Variants in ZNF18 observed in about 807,000 individuals in gnomAD.
The protein encoded by ZNF18 is zinc finger protein 18.
ZNF18 carries 42 observed loss-of-function variants against 58.1 expected under a neutral mutation model. The observed-to-expected ratio is 0.72, with a 90% CI of 0.56 to 0.93. The LOEUF (loss-of-function observed/expected upper bound fraction) is 0.93, where lower values mean the gene tolerates loss of function less well. Among genes scored for constraint, ZNF18 ranks in the 40% least tolerant of loss-of-function variants. The pLI is 0.00. For synonymous variants in ZNF18, 231 were observed against 239.8 expected, an observed-to-expected ratio of 0.96 and a Z score of 0.34; for missense variants, 540 against 644.2, an observed-to-expected ratio of 0.84 and a Z score of 1.75.
At chr17:11,985,744 C>A (rs1346603262) in intron 4 of ZNF18, among the ~76,000 whole-genome samples, 1 of 152,134 alleles carries the variant, frequency 6.6e-6, no homozygotes, top group African/African-American at 2.4e-5. Flanking sequence ...TGAAATAAAG[C>A]CCTTAGCAAA....
At chr17:12,006,373 T>A in the ZNF18 span, among the ~76,000 whole-genome samples, 2 of 152,174 alleles carry the variant, frequency 1.3e-5, no homozygotes, top group Non-Finnish European at 2.9e-5. Context: ...TCTTTATGCA[T>A]CTCAATTCTC....
chr17:11,997,996 C>T (rs907973258), upstream of ZNF18, among the ~76,000 whole-genome samples: 1 of 152,162 alleles, frequency 6.6e-6, no homozygotes, highest in Non-Finnish European at 1.5e-5. Flanking sequence ...CACTTCTCCC[C>T]ATTCCGTTGG....
chr17:12,011,963 T>C, the ZNF18 span, among the ~76,000 whole-genome samples: 1 of 152,176 alleles, frequency 6.6e-6, no homozygotes, highest in African/African-American at 2.4e-5. Flanking sequence ...CCTCCCAAAG[T>C]GCTGGGATTA....
the ZNF18 span, among the ~76,000 whole-genome samples, chr17:12,012,346 A>G: frequency 6.6e-6 from 1 of 152,206 alleles, no homozygotes; most frequent in Non-Finnish European, 1.5e-5. Context: ...TATTCGCTCC[A>G]TGTTTATTCA....
At chr17:11,999,605 C>T (rs1271313959), upstream of ZNF18, among the ~76,000 whole-genome samples, 2 of 152,102 alleles carry the variant, frequency 1.3e-5, no homozygotes, top group African/African-American at 4.8e-5. Context: ...AAATATTTAC[C>T]AGATGATGTG....
the ZNF18 span, among the ~76,000 whole-genome samples, chr17:12,017,175 C>A: frequency 6.6e-6 from 1 of 151,500 alleles, no homozygotes; most frequent in Non-Finnish European, 1.5e-5. Flanking sequence ...CCAGCCTGGG[C>A]AACAGAGCAA....
intron 4 of ZNF18, among the ~76,000 whole-genome samples, chr17:11,986,738 T>C (rs1238543852): frequency 2.6e-5 from 4 of 152,186 alleles, no homozygotes; most frequent in African/African-American, 7.2e-5. Context: ...GCTTCAGTGC[T>C]AGCAGAGAAA....
chr17:11,990,516 T>C lies in ZNF18; in HGVS notation c.612A>G (p.Glu204=). The change falls in exon 4 of 7, where the codon GAA becomes GAG. Residue 204 remains glutamate (E), a synonymous_variant. Transcript: ENST00000580306. ...LAASQPARLE[E]RLIRDQDLGA... ...CGAGGTCCTGGTCTCTGATCAGCCT[T>C]TCCTCCAGTCGGGCAGGCTGGGAGG... The C allele has an allele frequency of 6.2e-7, 1 of 1,612,394 alleles. No homozygotes were observed. Among genetic ancestry groups the C allele is most frequent in the Admixed American group, 1.7e-5 (1 of 59,878 alleles).
the ZNF18 span, among the ~76,000 whole-genome samples, chr17:12,015,477 G>A: frequency 6.6e-6 from 1 of 152,126 alleles, no homozygotes; most frequent in African/African-American, 2.4e-5. Flanking sequence ...TTGTTCTAGC[G>A]AGTAATACAA....
chr17:11,989,193 CA>C (rs1967944678), intron 4 of ZNF18, among the ~76,000 whole-genome samples: 1 of 151,674 alleles, frequency 6.6e-6, no homozygotes, highest in South Asian at 2.1e-4. Context: ...AGCATTGTGG[CA>C]CATGCCTGTA....
the ZNF18 span, among the ~76,000 whole-genome samples, chr17:12,008,021 T>G: frequency 6.6e-6 from 1 of 152,170 alleles, no homozygotes; most frequent in African/African-American, 2.4e-5. Context: ...AGTGGTCTGC[T>G]GTAGAGTCTT....
At chr17:11,994,701 C>T (rs918303057) in intron 1 of ZNF18, among the ~76,000 whole-genome samples, 11 of 152,096 alleles carry the variant, frequency 7.2e-5, no homozygotes, top group African/African-American at 2.4e-4. Flanking sequence ...ATTAGCCAGG[C>T]GTGGTGGCGG....
chr17:11,992,698 GA>G lies in ZNF18; in HGVS notation c.131del (p.Phe44SerfsTer8). The part of the protein sequence containing the change: ...LSSPETARQL[F>X]RQFRYQVMSG... ...ACATCACCTGGTAACGGAACTGCCT[GA>G]AAAGCTGGCGTGCGGTCTCAGGGCT... On this transcript the variant is annotated frameshift_variant, in exon 2 of 7. Transcript: ENST00000580306. LOFTEE classifies it high-confidence loss of function. The G allele has an allele frequency of 6.2e-7, 1 of 1,614,266 alleles. No homozygotes were observed. Among genetic ancestry groups the G allele is most frequent in the Non-Finnish European group, 8.5e-7 (1 of 1,180,052 alleles).
chr17:12,006,248 A>T, the ZNF18 span, among the ~76,000 whole-genome samples: 3 of 152,218 alleles, frequency 2.0e-5, no homozygotes, highest in East Asian at 5.8e-4. Context: ...TAATACAATT[A>T]ACTGGCAATC....
the ZNF18 span, chr17:12,010,790 T>C: frequency 0.98 from 366,617 of 374,946 alleles, 179,759 homozygotes; most frequent in East Asian, 1. Flanking sequence ...GGCTTCTTCC[T>C]ACTGGTTCTC....
chr17:11,988,024 C>T lies in ZNF18; in HGVS notation c.666+2438G>A, dbSNP rs557532512. 2.0e-4 allele frequency among the ~76,000 whole-genome samples: 30 copies of T among 152,070 alleles called. No individual in the cohort carries two copies. In the South Asian group the frequency reaches 6.0e-3, roughly 30 times the overall value. Reference sequence around the variant, plus strand: ...CAAGTCCCAAGAGGAGTTCCTTCAACGTTTTAAATGATGTTTTAATTAAGA... The same window carrying T: ...CAAGTCCCAAGAGGAGTTCCTTCAATGTTTTAAATGATGTTTTAATTAAGA... On this transcript the variant is annotated intron_variant, in intron 4 of 6. Coordinates refer to ENST00000580306, the MANE Select transcript of ZNF18 (RefSeq NM_001303281.2).
chr17:12,006,516 C>T, the ZNF18 span, among the ~76,000 whole-genome samples: 1 of 152,094 alleles, frequency 6.6e-6, no homozygotes, highest in African/African-American at 2.4e-5. Context: ...ATTGAGATAT[C>T]GTAATTTGTA....
chr17:12,019,713 G>T, the ZNF18 span, among the ~76,000 whole-genome samples: 2 of 152,188 alleles, frequency 1.3e-5, no homozygotes. Context: ...GAACAAGAAG[G>T]CAGGGCTATT....
upstream of ZNF18, chr17:12,002,131 T>A (rs923815720): frequency 1.3e-5 from 2 of 152,148 alleles, no homozygotes; most frequent in African/African-American, 2.4e-5. Flanking sequence ...CTGGGCCCAG[T>A]GGTTCACGCC....
Sources: gnomAD v4.1 joint callset for allele counts (sites outside exome capture counted in the v4.1 genomes callset) on GRCh38, gnomAD v4.1.1 for gene constraint, MANE v1.5 for transcripts, NCBI Gene and HGNC (gene_info 2026-07-23, HGNC 2026-07-21) for gene names.